Variants in CFAP69 observed in about 807,000 individuals in gnomAD.
CFAP69 encodes the protein cilia- and flagella-associated protein 69.
Under a neutral mutation model 123.0 loss-of-function variants are expected in CFAP69, and 92 were observed. That is an observed-to-expected ratio of 0.75 (90% CI 0.63 to 0.89). CFAP69 has a LOEUF of 0.89. Ranked by LOEUF, CFAP69 falls within the 40% of genes least tolerant of loss-of-function variation. The pLI, the probability that CFAP69 is intolerant of heterozygous loss-of-function variation, is 0.00. For synonymous variants in CFAP69, 380 were observed against 364.3 expected (o/e 1.04, Z -0.49); for missense variants, 1,067 against 1,096.9 (o/e 0.97, Z 0.39).
intron 6 of CFAP69, among the ~76,000 whole-genome samples, chr7:90,269,091 A>C (rs1799585683): frequency 6.6e-6 from 1 of 151,794 alleles, no homozygotes; most frequent in African/African-American, 2.4e-5. Flanking sequence ...ACAATTTAAA[A>C]AAAAAAAAGA....
At chr7:90,262,939 G>A (rs1798528313) in intron 4 of CFAP69, among the ~76,000 whole-genome samples, 1 of 151,982 alleles carries the variant, frequency 6.6e-6, no homozygotes. Context: ...TATATTGAAT[G>A]CCTATACCAT....
intron 22 of CFAP69, 21 bp downstream of exon 22, chr7:90,309,388 C>T: frequency 2.3e-6 from 3 of 1,331,784 alleles, no homozygotes; most frequent in Non-Finnish European, 3.1e-6. Flanking sequence ...TTCTCCATAA[C>T]ATTTTCTTAA....
At chr7:90,257,671 G>T (rs1436946684) in intron 2 of CFAP69, among the ~76,000 whole-genome samples, 1 of 152,068 alleles carries the variant, frequency 6.6e-6, no homozygotes, top group Non-Finnish European at 1.5e-5. Flanking sequence ...ATATCTTCTA[G>T]TTCCATCCAT....
At chr7:90,304,276 G>C in intron 18 of CFAP69, 170 bp downstream of exon 18, 2 of 1,344,562 alleles carry the variant, frequency 1.5e-6, no homozygotes, top group Non-Finnish European at 1.9e-6. Context: ...AATTAAATCA[G>C]AATCTCTGTG....
intron 4 of CFAP69, among the ~76,000 whole-genome samples, chr7:90,263,983 C>T (rs1369722741): frequency 2.0e-5 from 3 of 150,346 alleles, no homozygotes; most frequent in African/African-American, 4.9e-5. Context: ...CCCAGCTACT[C>T]GGGAGGCTGA....
Position 90,279,672 on chromosome 7 carries a change from C to T in CFAP69, c.1156-5C>T. 2 of 1,575,774 alleles carry T rather than the reference C, an allele frequency of 1.3e-6. No individual in the cohort carries two copies. Among genetic ancestry groups the T allele is most frequent in the Non-Finnish European group, 8.6e-7 (1 of 1,161,794 alleles). ...TAACAAAGTATCCTTTGTTCTTTCT[C>T]ACAGCTATTAATTGATGGCAAAGTT... On this transcript the variant is annotated splice_region_variant and splice_polypyrimidine_tract_variant and intron_variant, in intron 11 of 22. Transcript: ENST00000389297.
At position 90,258,957 on chromosome 7, in the gene CFAP69, C is replaced by A. The variant is rs903060924; in HGVS notation, c.246+794C>A. On this transcript the variant is annotated intron_variant, in intron 3 of 22. Transcript: ENST00000389297. ...AGTTGTACCTTTGATAAGCTCTCCA[C>A]CCTTGTAAAGTAATAGAAGCTCATG... Among the ~76,000 whole-genome samples, 5 of 152,262 alleles carry A rather than the reference C, an allele frequency of 3.3e-5. No homozygotes were observed. In the East Asian group the frequency reaches 5.8e-4, roughly 18 times the overall value.
chr7:90,268,661 GTTAT>G (rs1467478804), intron 6 of CFAP69, among the ~76,000 whole-genome samples: 3 of 151,952 alleles, frequency 2.0e-5, no homozygotes, highest in Non-Finnish European at 4.4e-5. Context: ...TTACTATTAT[GTTAT>G]TTAATACCAT....
chr7:90,275,592 T>G (rs929309855), intron 9 of CFAP69, among the ~76,000 whole-genome samples: 15 of 98,906 alleles, frequency 1.5e-4, no homozygotes, highest in African/African-American at 6.5e-4. Context: ...CCAAAAGCCT[T>G]TTTTTTTTTT....
At chr7:90,255,033 T>C (rs951635043) in intron 1 of CFAP69, among the ~76,000 whole-genome samples, 3 of 152,204 alleles carry the variant, frequency 2.0e-5, no homozygotes, top group Non-Finnish European at 4.4e-5. Flanking sequence ...GGATACCTAG[T>C]TGAGAAAAGC....
chr7:90,317,785 C>T, the CFAP69 span: 2 of 152,080 alleles, frequency 1.3e-5, no homozygotes, highest in African/African-American at 4.8e-5. Context: ...CAGTTCGTTA[C>T]TTGTTCAGTA....
rs1384953936 is a variant in CFAP69, at chr7:90,258,086, G to T, written c.181-12G>T. The T allele has an allele frequency of 3.8e-6, 6 of 1,595,760 alleles. No homozygotes were observed. The highest frequency in any genetic ancestry group is 4.3e-6 in the Non-Finnish European group (5 of 1,169,804). The stretch of plus-strand genomic sequence containing the variant: ...AAAGCACAAAAGAACTAAAATAGGT[G>T]ATCTGTTTTAGGATGGCTTGGAAGA... On this transcript the variant is annotated splice_polypyrimidine_tract_variant and intron_variant, in intron 2 of 22. Coordinates refer to ENST00000389297, the MANE Select transcript of CFAP69 (RefSeq NM_001039706.3).
Position 90,309,452 on chromosome 7 carries a change from T to C in CFAP69, c.2655+85T>C, listed in dbSNP as rs1172334253. The C allele has an allele frequency of 4.5e-6, 3 of 672,998 alleles. No homozygotes were observed. In the African/African-American group the frequency reaches 5.5e-5, roughly 12 times the overall value. 41.7% of individuals were successfully genotyped at this position (672,998 alleles called of 1,614,324 possible). On this transcript the variant is annotated intron_variant, in intron 22 of 22. Transcript: ENST00000389297. ...ACTGTGCAAATATACTGAAAACCAT[T>C]GAATTTTACCCATTAAATGGATGGA...
At chr7:90,278,036 A>C (rs2117010210) in intron 11 of CFAP69, among the ~76,000 whole-genome samples, 1 of 152,186 alleles carries the variant, frequency 6.6e-6, no homozygotes, top group South Asian at 2.1e-4. Context: ...TATTATTAAC[A>C]ATTCTGTTTA....
chr7:90,311,776 G>T (rs1484525099), downstream of CFAP69, among the ~76,000 whole-genome samples: 2 of 152,084 alleles, frequency 1.3e-5, no homozygotes, highest in Non-Finnish European at 2.9e-5. Flanking sequence ...TCTCACCCTG[G>T]CCCAGATGCC....
At chr7:90,313,742 G>T (rs1036748563), downstream of CFAP69, among the ~76,000 whole-genome samples, 1 of 152,080 alleles carries the variant, frequency 6.6e-6, no homozygotes, top group African/African-American at 2.4e-5. Flanking sequence ...AGAAAGTGGG[G>T]GAAGCCTCCA....
At chr7:90,276,104 G>T (rs966074879) in intron 9 of CFAP69, 1 of 152,126 alleles carries the variant, frequency 6.6e-6, no homozygotes, top group Non-Finnish European at 1.5e-5. Flanking sequence ...TTGAATGATT[G>T]AAATTATTTA....
Position 90,310,489 on chromosome 7 carries a change from T to A in CFAP69, c.*251T>A, listed in dbSNP as rs1794218232. On this transcript the variant is annotated 3_prime_UTR_variant, in exon 23 of 23. Coordinates refer to ENST00000389297, the MANE Select transcript of CFAP69 (RefSeq NM_001039706.3). ...AAGTGAAATTGTAAAACATAGTACATCAGTTAGGACTCTGTTGGTTGCATG... is the reference window on the plus strand; with the variant it reads ...AAGTGAAATTGTAAAACATAGTACAACAGTTAGGACTCTGTTGGTTGCATG... The A allele has an allele frequency of 4.4e-6, 1 of 229,652 alleles. No homozygotes were observed. The highest frequency in any genetic ancestry group is 9.6e-5 in the East Asian group (1 of 10,366). 14.2% of individuals were successfully genotyped at this position (229,652 alleles called of 1,614,324 possible).
intron 14 of CFAP69, 25 bp downstream of exon 14, chr7:90,286,424 T>G (rs1378549349): frequency 6.2e-7 from 1 of 1,607,694 alleles, no homozygotes; most frequent in Admixed American, 1.7e-5. Flanking sequence ...GAAAGTTTTG[T>G]TCAGGTCTCC....
Sources: allele counts gnomAD v4.1 joint callset (sites outside exome capture counted in the v4.1 genomes callset), GRCh38; gene constraint gnomAD v4.1.1; transcripts MANE v1.5; gene names NCBI Gene and HGNC (gene_info 2026-07-23, HGNC 2026-07-21).